Variants in HASPIN observed in about 807,000 individuals in gnomAD.
The protein encoded by HASPIN is histone H3 associated protein kinase.
HASPIN carries 24 observed loss-of-function variants against 28.8 expected under a neutral mutation model. That is an observed-to-expected ratio of 0.83 (90% confidence interval 0.60 to 1.17). HASPIN has a LOEUF of 1.17. HASPIN is among the 50% of genes most tolerant of loss of function. The pLI, the probability that HASPIN is intolerant of heterozygous loss-of-function variation, is 0.00. For missense variants in HASPIN, 1,016 were observed against 1,018.5 expected (o/e 1.00, Z 0.03); for synonymous variants, 440 against 413.1 (o/e 1.07, Z -0.79).
At position 3,725,185 on chromosome 17, in the gene HASPIN, T is replaced by C; in HGVS notation, c.1250T>C (p.Leu417Pro). Reference protein sequence around the residue: ...TTATSLSGSLLSECSNRPVMN... With the variant: ...TTATSLSGSLPSECSNRPVMN... ...GCCACTTCTCTCTCTGGATCCCTCC[T>C]ATCAGAATGTTCAAACCGGCCTGTC... Residue 417 changes from leucine (L) to proline (P), a missense_variant, in exon 1 of 1, where the codon CTA becomes CCA. Around this residue, in one of 3 missense-constraint regions of HASPIN, gnomAD observed 881 missense variants for 845.5 expected, o/e 1.04. Transcript: ENST00000325418. The C allele has an allele frequency of 6.2e-7, 1 of 1,614,226 alleles. No individual in the cohort carries two copies. Among genetic ancestry groups the C allele is most frequent in the Non-Finnish European group, 8.5e-7 (1 of 1,180,030 alleles).
rs1239655786 is a variant in HASPIN at position 3,724,124 on chromosome 17, TGACGATCCC to T, written c.195_203del (p.Asp68_Asp70del). ...GCGACCCCTCGCAGTCCGACGATCC[TGACGATCCC>T]GACGACCCCGACTTCCCCGGCAGCC... On this transcript the variant is annotated inframe_deletion, in exon 1 of 1. Transcript: ENST00000325418. The T allele has an allele frequency of 3.8e-6, 6 of 1,594,612 alleles. No individual in the cohort carries two copies. In the African/African-American group the frequency reaches 6.8e-5, roughly 18 times the overall value.
Position 3,724,446 on chromosome 17 carries a change from T to C in HASPIN, c.511T>C (p.Ser171Pro). ...GGGCATCAGTGCCTCCCTGTTCAGC[T>C]CTCTGGCCTCGCCCTGCCCCGGGTC... ...ELGISASLFSSLASPCPGSPT... is the reference protein window; with the variant it reads ...ELGISASLFSPLASPCPGSPT... The change falls in exon 1 of 1, where the codon TCT becomes CCT. Residue 171 changes from serine (S) to proline (P), a missense_variant. Physicochemically the swap from Ser to Pro is moderately conservative, Grantham distance 74. This residue lies in a region of HASPIN where 881 missense variants were observed against 845.5 expected (regional missense o/e 1.04). Coordinates refer to ENST00000325418, the MANE Select transcript of HASPIN (RefSeq NM_031965.2). 1 of 1,613,566 alleles carries C rather than the reference T, an allele frequency of 6.2e-7. No individual in the cohort carries two copies. Among genetic ancestry groups the C allele is most frequent in the Non-Finnish European group, 8.5e-7 (1 of 1,179,972 alleles).
At position 3,724,367 on chromosome 17, in the gene HASPIN, C is replaced by T; in HGVS notation, c.432C>T (p.Gly144=). 6.2e-7 allele frequency: 1 copy of T among 1,604,136 alleles called. No homozygotes were observed. The change falls in exon 1 of 1, where the codon GGC becomes GGT. Residue 144 remains glycine, a synonymous_variant. Coordinates refer to ENST00000325418, the MANE Select transcript of HASPIN (RefSeq NM_031965.2). ...RLPPFPSRDS[G]RLSPDLSVCG... The stretch of plus-strand genomic sequence containing the variant: ...CGCCCTTCCCCAGCCGCGACTCCGG[C>T]CGCCTCAGCCCGGACCTCAGCGTGT...
rs1265384260 is a variant in HASPIN at position 3,724,368 on chromosome 17, C to CGCCTCAGCCCGG, written c.434_445dup (p.Pro148_Asp149insGlyLeuSerPro). 1 of 1,604,666 alleles carries CGCCTCAGCCCGG rather than the reference C, an allele frequency of 6.2e-7. No individual in the cohort carries two copies. Among genetic ancestry groups the CGCCTCAGCCCGG allele is most frequent in the Admixed American group, 1.7e-5 (1 of 59,408 alleles). On this transcript the variant is annotated inframe_insertion, in exon 1 of 1. Coordinates refer to ENST00000325418, the MANE Select transcript of HASPIN (RefSeq NM_031965.2). ...GCCCTTCCCCAGCCGCGACTCCGGC[C>CGCCTCAGCCCGG]GCCTCAGCCCGGACCTCAGCGTGTG... is the stretch of plus-strand genomic sequence containing the variant.
Position 3,724,324 on chromosome 17 carries a change from G to T in HASPIN, c.389G>T (p.Cys130Phe). 1.3e-6 allele frequency: 2 copies of T among 1,587,932 alleles called. No homozygotes were observed. The highest frequency in any genetic ancestry group is 1.7e-6 in the Non-Finnish European group (2 of 1,173,262). ...CCCCCGCAGAAGTGCAGCACACCCT[G>T]CGGCCCGCTCCGACTTCCGCCCTTC... The part of the protein sequence containing the change: ...ARPPQKCSTP[C>F]GPLRLPPFPS... Residue 130 changes from cysteine (C) to phenylalanine (F), a missense_variant, in exon 1 of 1, where the codon TGC becomes TTC. Physicochemically the swap from Cys to Phe is radical, Grantham distance 205. This residue lies in a region of HASPIN where 881 missense variants were observed against 845.5 expected (regional missense o/e 1.04). Transcript: ENST00000325418.
In HASPIN at chr17:3,724,695, C is replaced by T; in HGVS notation, c.760C>T (p.Pro254Ser). Residue 254 changes from proline (P) to serine (S), a missense_variant, in exon 1 of 1, where the codon CCT becomes TCT. By Grantham distance (74) the Pro-to-Ser change is moderately conservative (BLOSUM62 -1). Around this residue, in one of 3 missense-constraint regions of HASPIN, gnomAD observed 881 missense variants for 845.5 expected, o/e 1.04. Coordinates refer to ENST00000325418, the MANE Select transcript of HASPIN (RefSeq NM_031965.2). ...CTTTGGCCTTATGAACTCAGGAACC[C>T]CTGAGGATTCTGAGTTTCGGGCAGA... Reference protein sequence around the residue: ...VLFGLMNSGTPEDSEFRADGK... With the variant: ...VLFGLMNSGTSEDSEFRADGK... The T allele has an allele frequency of 6.2e-7, 1 of 1,614,190 alleles. No individual in the cohort carries two copies. The highest frequency in any genetic ancestry group is 1.7e-5 in the Admixed American group (1 of 60,022).
Position 3,724,760 on chromosome 17 carries a change from G to C in HASPIN, c.825G>C (p.Leu275=). Residue 275 remains leucine, a synonymous_variant, in exon 1 of 1, where the codon CTG becomes CTC. Coordinates refer to ENST00000325418, the MANE Select transcript of HASPIN (RefSeq NM_031965.2). ...NMRESCCKRK[L]VVGNGPEGPG... is the part of the protein sequence containing the mutation. ...GAGAGTCCTGCTGTAAAAGGAAACT[G>C]GTGGTGGGAAATGGACCAGAGGGTC... is the stretch of plus-strand genomic sequence containing the variant. The C allele has an allele frequency of 6.2e-7, 1 of 1,614,210 alleles. No individual in the cohort carries two copies. The highest frequency in any genetic ancestry group is 8.5e-7 in the Non-Finnish European group (1 of 1,180,034).
At position 3,725,945 on chromosome 17, in the gene HASPIN, T is replaced by C. The variant is rs930188871; in HGVS notation, c.2010T>C (p.Asn670=). 1 of 1,613,460 alleles carries C rather than the reference T, an allele frequency of 6.2e-7. No individual in the cohort carries two copies. Among genetic ancestry groups the C allele is most frequent in the African/African-American group, 1.3e-5 (1 of 74,820 alleles). ...TCAAAAAACTCCACTACACCCTCAATGGGAAGAGCAGCACTATCCCCAGCT... is the reference window on the plus strand; with the variant it reads ...TCAAAAAACTCCACTACACCCTCAACGGGAAGAGCAGCACTATCCCCAGCT... ...TSLKKLHYTL[N]GKSSTIPSCG... The change falls in exon 1 of 1, where the codon AAT becomes AAC. Residue 670 remains asparagine, a synonymous_variant. Coordinates refer to ENST00000325418, the MANE Select transcript of HASPIN (RefSeq NM_031965.2).
Position 3,724,004 on chromosome 17 carries a change from AC to A in HASPIN, c.70del (p.Gln24SerfsTer53). On this transcript the variant is annotated frameshift_variant, in exon 1 of 1. Coordinates refer to ENST00000325418, the MANE Select transcript of HASPIN (RefSeq NM_031965.2). LOFTEE classifies it low-confidence loss of function (END_TRUNC). ...RTYGAADGRR[Q>X]RRPGREAAQW... ...CATATGGGGCTGCGGACGGCAGGAG[AC>A]AGCGGCGGCCGGGCCGGGAAGCCGC... 1 of 1,594,124 alleles carries A rather than the reference AC, an allele frequency of 6.3e-7. No individual in the cohort carries two copies. Among genetic ancestry groups the A allele is most frequent in the Non-Finnish European group, 8.5e-7 (1 of 1,174,182 alleles).
In HASPIN at chr17:3,724,557, C is replaced by A; in HGVS notation, c.622C>A (p.Pro208Thr). The change falls in exon 1 of 1, where the codon CCA (proline) becomes ACA (threonine). Residue 208 changes from proline to threonine, a missense_variant. By Grantham distance (38) the Pro-to-Thr change is conservative. Coordinates refer to ENST00000325418, the MANE Select transcript of HASPIN (RefSeq NM_031965.2). ...AGCCGTCCCGAGCGGCCTCCACCTC[C>A]CAGAAGTCTCCCTGGACCGAGCATC... is the stretch of plus-strand genomic sequence containing the variant. The part of the protein sequence containing the change: ...ASAVPSGLHL[P>T]EVSLDRASLP... 1 of 1,614,156 alleles carries A rather than the reference C, an allele frequency of 6.2e-7. No homozygotes were observed. The highest frequency in any genetic ancestry group is 8.5e-7 in the Non-Finnish European group (1 of 1,180,020).
rs748805896 is a variant in HASPIN, at chr17:3,725,099, C to G, written c.1164C>G (p.Phe388Leu). 5 of 1,614,218 alleles carry G rather than the reference C, an allele frequency of 3.1e-6. No homozygotes were observed. Among genetic ancestry groups the G allele is most frequent in the African/African-American group, 1.3e-5 (1 of 75,062 alleles). ...VCFWTKTRAS[F>L]SFHKKKIVTD... is the part of the protein sequence containing the mutation. ...TTTGGACCAAAACCAGGGCTTCCTT[C>G]AGTTTCCACAAGAAGAAAATTGTGA... The change falls in exon 1 of 1, where the codon TTC becomes TTG. Residue 388 changes from phenylalanine (F) to leucine (L), a missense_variant. This residue lies in a region of HASPIN where 881 missense variants were observed against 845.5 expected (regional missense o/e 1.04). Transcript: ENST00000325418.
rs1432397167 is a variant in HASPIN at position 3,724,377 on chromosome 17, C to T, written c.442C>T (p.Pro148Ser). ...CAGCCGCGACTCCGGCCGCCTCAGCCCGGACCTCAGCGTGTGCGGCCAGCC... is the reference window on the plus strand; with the variant it reads ...CAGCCGCGACTCCGGCCGCCTCAGCTCGGACCTCAGCGTGTGCGGCCAGCC... ...FPSRDSGRLSPDLSVCGQPRD... is the reference protein window; with the variant it reads ...FPSRDSGRLSSDLSVCGQPRD... Residue 148 changes from proline to serine, a missense_variant, in exon 1 of 1, where the codon CCG becomes TCG. Physicochemically the swap from Pro to Ser is moderately conservative, Grantham distance 74. Coordinates refer to ENST00000325418, the MANE Select transcript of HASPIN (RefSeq NM_031965.2). 1 of 1,608,290 alleles carries T rather than the reference C, an allele frequency of 6.2e-7. No homozygotes were observed. The highest frequency in any genetic ancestry group is 2.2e-5 in the East Asian group (1 of 44,732).
rs768488476 is a variant in HASPIN, at chr17:3,724,952, G to A, written c.1017G>A (p.Lys339=). ...TGGAGAGAACTAGATCAAGCCGGAA[G>A]AGCAAACATCAGGAGGCAACGGAAA... ...DRLERTRSSR[K]SKHQEATETS... The change falls in exon 1 of 1, where the codon AAG becomes AAA. Residue 339 remains lysine (K), a synonymous_variant. Transcript: ENST00000325418. 2 of 1,613,834 alleles carry A rather than the reference G, an allele frequency of 1.2e-6. No individual in the cohort carries two copies. Among genetic ancestry groups the A allele is most frequent in the Non-Finnish European group, 8.5e-7 (1 of 1,179,870 alleles).
At position 3,724,897 on chromosome 17, in the gene HASPIN, G is replaced by A. The variant is rs1742124924; in HGVS notation, c.962G>A (p.Gly321Asp). Reference sequence around the variant, plus strand: ...CATCAGGAGGCCAGTGTTCCCAAGGGCCGCATTGTGCCAAGGGGAATAGAC... The same window carrying A: ...CATCAGGAGGCCAGTGTTCCCAAGGACCGCATTGTGCCAAGGGGAATAGAC... Reference protein sequence around the residue: ...REHQEASVPKGRIVPRGIDRL... With the variant: ...REHQEASVPKDRIVPRGIDRL... The change falls in exon 1 of 1, where the codon GGC becomes GAC. Residue 321 changes from glycine to aspartate, a missense_variant. Around this residue, in one of 3 missense-constraint regions of HASPIN, gnomAD observed 881 missense variants for 845.5 expected, o/e 1.04. Coordinates refer to ENST00000325418, the MANE Select transcript of HASPIN (RefSeq NM_031965.2). 1 of 1,613,512 alleles carries A rather than the reference G, an allele frequency of 6.2e-7. No homozygotes were observed. Among genetic ancestry groups the A allele is most frequent in the Middle Eastern group, 1.7e-4 (1 of 6,060 alleles).
rs752810508 is a variant in HASPIN, at chr17:3,725,984, G to A, written c.2049G>A (p.Val683=). Residue 683 remains valine (V), a synonymous_variant, in exon 1 of 1, where the codon GTG becomes GTA. Coordinates refer to ENST00000325418, the MANE Select transcript of HASPIN (RefSeq NM_031965.2). ...SSTIPSCGLQ[V]SIIDYTLSRL... is the part of the protein sequence containing the mutation. The stretch of plus-strand genomic sequence containing the variant: ...CTATCCCCAGCTGTGGGTTGCAAGT[G>A]AGCATCATTGACTACACCCTGTCGC... 16 of 1,613,890 alleles carry A rather than the reference G, an allele frequency of 9.9e-6. No individual in the cohort carries two copies. The highest frequency in any genetic ancestry group is 1.4e-5 in the Non-Finnish European group (16 of 1,180,032).
rs755391583 is a variant in HASPIN at position 3,724,968 on chromosome 17, GCAA to G, written c.1035_1037del (p.Thr346del). 1.9e-6 allele frequency: 3 copies of G among 1,614,126 alleles called. No individual in the cohort carries two copies. In the East Asian group the frequency reaches 6.7e-5, roughly 36 times the overall value. ...AAGCCGGAAGAGCAAACATCAGGAG[GCAA>G]CGGAAACCTCTCTCCTCCATTCCCA... On this transcript the variant is annotated inframe_deletion, in exon 1 of 1. Transcript: ENST00000325418.
At position 3,723,904 on chromosome 17, in the gene HASPIN, T is replaced by C. The variant is rs1183850839; in HGVS notation, c.-32T>C. 2 of 1,533,194 alleles carry C rather than the reference T, an allele frequency of 1.3e-6. No homozygotes were observed. Among genetic ancestry groups the C allele is most frequent in the Non-Finnish European group, 1.8e-6 (2 of 1,141,916 alleles). 95.0% of individuals were successfully genotyped at this position (1,533,194 alleles called of 1,614,324 possible). ...CGCGTCGCACGGAAGTCTCGCGATG[T>C]TTGCGTTTGAACCTCTTGGCGGGTG... On this transcript the variant is annotated 5_prime_UTR_variant, in exon 1 of 1. Transcript: ENST00000325418.
Position 3,724,782 on chromosome 17 carries a change from G to C in HASPIN, c.847G>C (p.Gly283Arg). 6.2e-7 allele frequency: 1 copy of C among 1,614,186 alleles called. No homozygotes were observed. The change falls in exon 1 of 1, where the codon GGT becomes CGT. Residue 283 changes from glycine (G) to arginine (R), a missense_variant. By Grantham distance (125) the Gly-to-Arg change is moderately radical. Transcript: ENST00000325418. ...ACTGGTGGTGGGAAATGGACCAGAGGGTCCAGGTCTGTCAAGCACAGGCAA... is the reference window on the plus strand; with the variant it reads ...ACTGGTGGTGGGAAATGGACCAGAGCGTCCAGGTCTGTCAAGCACAGGCAA... ...RKLVVGNGPE[G>R]PGLSSTGKRR...
rs1406432526 is a variant in HASPIN at position 3,723,951 on chromosome 17, C to T, written c.16C>T (p.Pro6Ser). Residue 6 changes from proline to serine, a missense_variant, in exon 1 of 1, where the codon CCG (proline) becomes TCG (serine). By Grantham distance (74) the Pro-to-Ser change is moderately conservative. Coordinates refer to ENST00000325418, the MANE Select transcript of HASPIN (RefSeq NM_031965.2). Reference protein sequence around the residue: MAASLPGPGSRLFRTY... With the variant: MAASLSGPGSRLFRTY... ...GGTGCCGGCCATGGCGGCTTCGCTC[C>T]CGGGACCTGGGAGCCGGCTTTTCCG... 1 of 1,562,076 alleles carries T rather than the reference C, an allele frequency of 6.4e-7. No homozygotes were observed. Among genetic ancestry groups the T allele is most frequent in the Non-Finnish European group, 8.7e-7 (1 of 1,153,454 alleles).
Sources: allele counts gnomAD v4.1 joint callset, GRCh38; gene constraint gnomAD v4.1.1; regional missense constraint gnomAD v4.1.1; transcripts MANE v1.5; gene names NCBI Gene and HGNC (gene_info 2026-07-23, HGNC 2026-07-21).